The following SLC29A3 variants were observed in gnomAD, a reference collection of about 807,000 sequenced individuals.
SLC29A3 encodes equilibrative nucleoside transporter 3.
A neutral mutation model predicts 25.4 loss-of-function variants in SLC29A3; 18 were observed. The observed-to-expected ratio is 0.71, with a 90% CI of 0.49 to 1.05. SLC29A3 has a LOEUF of 1.05. Among genes scored for constraint, SLC29A3 ranks in the 50% least tolerant of loss-of-function variants. SLC29A3 has a pLI of 0.00. For missense variants in SLC29A3, 586 were observed against 609.0 expected (o/e 0.96, Z 0.40); for synonymous variants, 258 against 267.1 (o/e 0.97, Z 0.33).
chr10:71,358,993 C>T (rs1386802844), intron 5 of SLC29A3, among the ~76,000 whole-genome samples: 1 of 152,188 alleles, frequency 6.6e-6, no homozygotes, highest in East Asian at 1.9e-4. Context: ...TCACGGCAGC[C>T]TTTATCTCCA....
downstream of SLC29A3, chr10:71,364,414 C>T (rs1847147080): frequency 6.6e-6 from 1 of 152,192 alleles, no homozygotes; most frequent in African/African-American, 2.4e-5. Flanking sequence ...TGGCGATCTC[C>T]TGACATGAAG....
At chr10:71,342,916 T>C (rs1211076236) in intron 2 of SLC29A3, among the ~76,000 whole-genome samples, 1 of 152,238 alleles carries the variant, frequency 6.6e-6, no homozygotes, top group Non-Finnish European at 1.5e-5. Context: ...CAAAGCACTC[T>C]GCAGGCTTCA....
intron 1 of SLC29A3, among the ~76,000 whole-genome samples, chr10:71,322,289 A>G (rs535999911): frequency 9.9e-5 from 15 of 152,214 alleles, no homozygotes; most frequent in Non-Finnish European, 1.9e-4. Context: ...CATATTCTAC[A>G]CACCATCCTG....
At chr10:71,379,541 G>A (rs1847287194) in intron 4 of SLC29A3, among the ~76,000 whole-genome samples, 4 of 152,144 alleles carry the variant, frequency 2.6e-5, no homozygotes, top group Admixed American at 2.6e-4. Context: ...CTGTCTCCCT[G>A]TCCCCACCTC....
In SLC29A3 at chr10:71,351,654, C is replaced by T. The variant is rs369941056; in HGVS notation, c.476C>T (p.Ser159Phe). Residue 159 changes from serine (S) to phenylalanine (F), a missense_variant, in exon 4 of 6, where the codon TCC becomes TTC. Coordinates refer to ENST00000373189, the MANE Select transcript of SLC29A3 (RefSeq NM_018344.6). ...GCACTGGTGAAGGTGGACACTTCCT[C>T]CTGGACCCGTGGCTTTTTTGCGGTC... The part of the protein sequence containing the change: ...ITALVKVDTS[S>F]WTRGFFAVTI... 5 of 1,614,070 alleles carry T rather than the reference C, an allele frequency of 3.1e-6. No individual in the cohort carries two copies. Among genetic ancestry groups the T allele is most frequent in the Admixed American group, 1.7e-5 (1 of 60,010 alleles).
downstream of SLC29A3, chr10:71,365,549 G>A (rs765574825): frequency 1.3e-5 from 2 of 152,340 alleles, no homozygotes; most frequent in East Asian, 1.9e-4. Flanking sequence ...AGGAGAGGCC[G>A]CTCTGTTGGG....
chr10:71,342,641 C>G (rs1164873559), intron 2 of SLC29A3, among the ~76,000 whole-genome samples: 1 of 152,238 alleles, frequency 6.6e-6, no homozygotes, highest in Non-Finnish European at 1.5e-5. Flanking sequence ...GCCCCATCTG[C>G]AGCCCTCTCC....
intron 2 of SLC29A3, among the ~76,000 whole-genome samples, chr10:71,326,350 C>T (rs923016518): frequency 6.6e-6 from 1 of 152,214 alleles, no homozygotes; most frequent in African/African-American, 2.4e-5. Context: ...ATCTGAAGTG[C>T]TTTATAAACA....
chr10:71,347,403 G>A (rs1417541807), intron 3 of SLC29A3, among the ~76,000 whole-genome samples: 1 of 152,090 alleles, frequency 6.6e-6, no homozygotes, highest in Admixed American at 6.6e-5. Context: ...CAGGGTCTTG[G>A]TCTTGAAGCT....
chr10:71,344,299 A>G lies in SLC29A3; in HGVS notation c.383+8A>G, dbSNP rs2243540. On this transcript the variant is annotated splice_region_variant and intron_variant, in intron 3 of 5. Coordinates refer to ENST00000373189, the MANE Select transcript of SLC29A3 (RefSeq NM_018344.6). ...CTTCCTGCTTGTCAACAGGTAGGCG[A>G]CTCTCTTCCCTCTCTCAGGCCTCTG... The G allele has an allele frequency of 0.89, 1,428,268 of 1,608,752 alleles. 635,700 individuals carry two copies. Among genetic ancestry groups the G allele is most frequent in the Middle Eastern group, 0.91 (5,520 of 6,056 alleles).
At chr10:71,332,598 C>G (rs7071162) in intron 2 of SLC29A3, among the ~76,000 whole-genome samples, 36,066 of 152,098 alleles carry the variant, frequency 0.24, 5,618 homozygotes, top group African/African-American at 0.44. Flanking sequence ...GGTCAGGCAG[C>G]ATGGGCTTCA....
At chr10:71,327,175 G>A (rs1339728509) in intron 2 of SLC29A3, among the ~76,000 whole-genome samples, 5 of 152,146 alleles carry the variant, frequency 3.3e-5, no homozygotes, top group Non-Finnish European at 5.9e-5. Context: ...GCCATTTGAT[G>A]GGGAGCTTGA....
Position 71,361,960 on chromosome 10 carries a change from C to T in SLC29A3, c.780C>T (p.Tyr260=), listed in dbSNP as rs564612066. 16 of 1,614,104 alleles carry T rather than the reference C, an allele frequency of 9.9e-6. No individual in the cohort carries two copies. The South Asian group carries it at 1.5e-4, about 16-fold the overall frequency. ...LLSRLEYARY[Y]MRPVLAAHVF... is the part of the protein sequence containing the mutation. Reference sequence around the variant, plus strand: ...CCCTGTCTCCTCCCTGCAGGTACTACATGAGGCCTGTTCTTGCGGCCCATG... The same window carrying T: ...CCCTGTCTCCTCCCTGCAGGTACTATATGAGGCCTGTTCTTGCGGCCCATG... The change falls in exon 6 of 6, where the codon TAC becomes TAT. Residue 260 remains tyrosine, a synonymous_variant. Coordinates refer to ENST00000373189, the MANE Select transcript of SLC29A3 (RefSeq NM_018344.6).
At chr10:71,335,220 G>A (rs180926747) in intron 2 of SLC29A3, among the ~76,000 whole-genome samples, 8 of 152,160 alleles carry the variant, frequency 5.3e-5, no homozygotes, top group East Asian at 1.9e-4. Context: ...ACTGTTTGGC[G>A]TTGAGAAGCC....
At chr10:71,379,091 C>T (rs112623252) in intron 4 of SLC29A3, among the ~76,000 whole-genome samples, 3,160 of 152,286 alleles carry the variant, frequency 0.021, 56 homozygotes, top group African/African-American at 0.043. Context: ...GGAGATGTTG[C>T]CCCCCAACGG....
At chr10:71,380,654 C>T (rs1217210286) in exon 5 of SLC29A3, 6 of 152,164 alleles carry the variant, frequency 3.9e-5, no homozygotes, top group Non-Finnish European at 7.3e-5. Flanking sequence ...GGGGTCTCTC[C>T]CCAGGACACT....
intron 3 of SLC29A3, among the ~76,000 whole-genome samples, chr10:71,345,737 C>T (rs1418925787): frequency 6.6e-6 from 1 of 152,198 alleles, no homozygotes; most frequent in Non-Finnish European, 1.5e-5. Flanking sequence ...GAGACCGCCA[C>T]CCCAGGAGGA....
chr10:71,319,683 T>C, intron 1 of SLC29A3: 1 of 247,908 alleles, frequency 4.0e-6, no homozygotes, highest in Non-Finnish European at 7.6e-6. Context: ...AAGCCGGTTC[T>C]GCCGCGGCCA....
Position 71,351,544 on chromosome 10 carries a change from C to T in SLC29A3, c.384-18C>T. 1 of 1,612,900 alleles carries T rather than the reference C, an allele frequency of 6.2e-7. No homozygotes were observed. Among genetic ancestry groups the T allele is most frequent in the Non-Finnish European group, 8.5e-7 (1 of 1,178,924 alleles). On this transcript the variant is annotated intron_variant, in intron 3 of 5. Coordinates refer to ENST00000373189, the MANE Select transcript of SLC29A3 (RefSeq NM_018344.6). The stretch of plus-strand genomic sequence containing the variant: ...GCCCCGAAGGGGTGTCTAACTGCTT[C>T]TGGCATCCTCGCCCCAGGGTTGCAG...
Sources: allele counts gnomAD v4.1 joint callset (sites outside exome capture counted in the v4.1 genomes callset), GRCh38; gene constraint gnomAD v4.1.1; transcripts MANE v1.5; gene names NCBI Gene and HGNC (gene_info 2026-07-23, HGNC 2026-07-21).